The following MICAL2 variants were observed in gnomAD, a reference collection of about 807,000 sequenced individuals.
The protein encoded by MICAL2 is [F-actin]-monooxygenase MICAL2.
In MICAL2, 77 loss-of-function variants were observed where a neutral mutation model predicts 127.3. The observed-to-expected ratio is 0.60, with a 90% CI of 0.50 to 0.73. MICAL2 has a LOEUF of 0.73. Ranked by LOEUF, MICAL2 falls within the 30% of genes least tolerant of loss-of-function variation. The probability of loss-of-function intolerance (pLI) is 0.00; values close to 1 mark genes in which losing one functional copy is unlikely to be tolerated. For missense variants in MICAL2, 1,351 were observed against 1,434.4 expected (o/e 0.94, Z 0.94); for synonymous variants, 570 against 551.1 (o/e 1.03, Z -0.48).
At chr11:12,279,517 A>AC (rs1413158875) in intron 1 of MICAL2, among the ~76,000 whole-genome samples, 2 of 152,180 alleles carry the variant, frequency 1.3e-5, no homozygotes, top group African/African-American at 4.8e-5. Flanking sequence ...CTAAGCCTCC[A>AC]CGTAGGCAGG....
chr11:12,221,804 A>G, intron 10 of MICAL2, 45 bp downstream of exon 10: 1 of 1,517,380 alleles, frequency 6.6e-7, no homozygotes, highest in Admixed American at 1.7e-5. Flanking sequence ...CAGGGCACTC[A>G]GGCAGGAAAG....
intron 24 of MICAL2, among the ~76,000 whole-genome samples, chr11:12,268,980 C>CA (rs1351586399): frequency 6.6e-6 from 1 of 151,820 alleles, no homozygotes; most frequent in Admixed American, 6.6e-5. Flanking sequence ...GCCTCGGCGA[C>CA]GAGCGAGACT....
chr11:12,114,712 G>A (rs1476655691), intron 1 of MICAL2, among the ~76,000 whole-genome samples: 7 of 152,198 alleles, frequency 4.6e-5, no homozygotes, highest in Non-Finnish European at 1.0e-4. Flanking sequence ...GTGACTACCA[G>A]TGCATGTGCT....
chr11:12,354,623 G>A (rs115719700), intron 33 of MICAL2, among the ~76,000 whole-genome samples: 7,429 of 152,082 alleles, frequency 0.049, 357 homozygotes, highest in African/African-American at 0.12. Flanking sequence ...ACAAAGACTC[G>A]GTCTCAGAAA....
At chr11:12,274,458 A>G (rs1239761403), upstream of MICAL2, 1 of 152,274 alleles carries the variant, frequency 6.6e-6, no homozygotes, top group Non-Finnish European at 1.5e-5. Flanking sequence ...GGAGGGTGAG[A>G]CACACTATGA....
intron 1 of MICAL2, chr11:12,276,399 G>A (rs767259617): frequency 2.7e-6 from 1 of 370,600 alleles, no homozygotes; most frequent in Non-Finnish European, 4.8e-6. Context: ...AGCACTGTAA[G>A]TGTTAGCAAT....
intron 13 of MICAL2, among the ~76,000 whole-genome samples, chr11:12,225,068 A>C: frequency 1.4e-5 from 2 of 141,306 alleles, no homozygotes; most frequent in African/African-American, 2.6e-5. Flanking sequence ...CTCACCCCCC[A>C]CTACCCTTCC....
chr11:12,301,284 A>G (rs1864043318), intron 29 of MICAL2, among the ~76,000 whole-genome samples: 1 of 152,192 alleles, frequency 6.6e-6, no homozygotes, highest in East Asian at 1.9e-4. Flanking sequence ...CAGCCAAACC[A>G]TATCACATTC....
At chr11:12,262,881 A>C (rs902977150) in intron 27 of MICAL2, 3 of 224,186 alleles carry the variant, frequency 1.3e-5, no homozygotes, top group Non-Finnish European at 2.7e-5. Flanking sequence ...AAACAATACC[A>C]TGAGGGGGCC....
intron 2 of MICAL2, among the ~76,000 whole-genome samples, chr11:12,148,569 G>C (rs2133696458): frequency 6.6e-6 from 1 of 152,276 alleles, no homozygotes; most frequent in East Asian, 1.9e-4. Flanking sequence ...TGTTGACAAA[G>C]GGCAGCCACA....
Position 12,261,832 on chromosome 11 carries a change from A to C in MICAL2, c.3335-648A>C, listed in dbSNP as rs555339254. 4 of 985,630 alleles carry C rather than the reference A, an allele frequency of 4.1e-6. No homozygotes were observed. In the South Asian group the frequency reaches 1.4e-4, roughly 35 times the overall value. 61.1% of individuals were successfully genotyped at this position (985,630 alleles called of 1,614,324 possible). ...CGATGACTTGCATTGTGTTTTCTCC[A>C]ATTTTTGCTGGGATTTTAATGTTCA... On this transcript the variant is annotated intron_variant, in intron 26 of 27. Transcript: ENST00000683283.
At chr11:12,266,183 A>C (rs540688400), downstream of MICAL2, among the ~76,000 whole-genome samples, 3 of 152,336 alleles carry the variant, frequency 2.0e-5, no homozygotes, top group South Asian at 6.2e-4. Context: ...GTAAGAAAAA[A>C]ATATGAACTT....
rs558657448 is a variant in MICAL2 at position 12,147,887 on chromosome 11, A to G, written c.-78+9427A>G. Among the ~76,000 whole-genome samples the G allele has an allele frequency of 3.5e-4, 54 of 152,332 alleles. No homozygotes were observed. The South Asian group carries it at 0.011, about 31-fold the overall frequency. On this transcript the variant is annotated intron_variant, in intron 2 of 27. Transcript: ENST00000683283. ...CAGGCTGCAGGGATTCTATTCGGGA[A>G]CAGGCCCAGGAAACTGAGTTTTCAT...
chr11:12,241,595 G>C (rs1403491740), intron 18 of MICAL2, among the ~76,000 whole-genome samples: 2 of 152,238 alleles, frequency 1.3e-5, no homozygotes, highest in Non-Finnish European at 2.9e-5. Flanking sequence ...GGCCTTGCCG[G>C]TGCCAGAGTA....
intron 2 of MICAL2, among the ~76,000 whole-genome samples, chr11:12,155,063 T>G (rs1200715597): frequency 6.6e-6 from 1 of 152,140 alleles, no homozygotes; most frequent in African/African-American, 2.4e-5. Flanking sequence ...ACACTGTGAG[T>G]GCCCGCTGTC....
At chr11:12,152,297 C>T in intron 2 of MICAL2, among the ~76,000 whole-genome samples, 1 of 38,398 alleles carries the variant, frequency 2.6e-5, no homozygotes, top group African/African-American at 1.4e-4. Context: ...GACTCTGTCT[C>T]AAAAAAAAAA....
chr11:12,218,626 C>A (rs1206078755), intron 8 of MICAL2, among the ~76,000 whole-genome samples: 1 of 152,132 alleles, frequency 6.6e-6, no homozygotes, highest in Non-Finnish European at 1.5e-5. Context: ...ATCATGTGAC[C>A]GCGGAAACAG....
At chr11:12,111,373 G>T (rs1042332286) in intron 1 of MICAL2, among the ~76,000 whole-genome samples, 1 of 152,112 alleles carries the variant, frequency 6.6e-6, no homozygotes, top group Admixed American at 6.5e-5. Context: ...GAGCACCCCC[G>T]CAGGGTGTCC....
At chr11:12,322,701 A>G (rs1422754755) in intron 30 of MICAL2, among the ~76,000 whole-genome samples, 2 of 152,252 alleles carry the variant, frequency 1.3e-5, no homozygotes, top group African/African-American at 2.4e-5. Context: ...TTTATTTTGT[A>G]GATACAGAAT....
Sources: gnomAD v4.1 joint callset for allele counts (sites outside exome capture counted in the v4.1 genomes callset) on GRCh38, gnomAD v4.1.1 for gene constraint, MANE v1.5 for transcripts, NCBI Gene and HGNC (gene_info 2026-07-23, HGNC 2026-07-21) for gene names.